PRMT2: variants seen among roughly 807,000 people sequenced by gnomAD.
PRMT2 encodes the protein protein arginine methyltransferase 2.
PRMT2 carries 26 observed loss-of-function variants against 57.6 expected under a neutral mutation model. The observed-to-expected ratio is 0.45, with a 90% confidence interval of 0.33 to 0.63. The LOEUF is 0.63. PRMT2 is among the 20% of genes least tolerant of loss of function. The pLI is 0.02. For synonymous variants in PRMT2, 219 were observed against 220.0 expected (o/e 1.00, Z 0.04); for missense variants, 472 against 564.4 (o/e 0.84, Z 1.66).
intron 8 of PRMT2, chr21:46,659,623 CAA>C: frequency 1.0e-6 from 1 of 985,058 alleles, no homozygotes; most frequent in Non-Finnish European, 1.2e-6. Context: ...ACCAGACAAG[CAA>C]AGAGTAAATT....
chr21:46,644,707 T>C (rs778896280), intron 5 of PRMT2, among the ~76,000 whole-genome samples: 19 of 152,170 alleles, frequency 1.2e-4, no homozygotes, highest in Non-Finnish European at 2.4e-4. Flanking sequence ...ATCTTGAAAT[T>C]TGAATTTATA....
chr21:46,664,763 G>A lies in PRMT2; in HGVS notation c.*436G>A, dbSNP rs376683544. 9.9e-5 allele frequency: 23 copies of A among 231,494 alleles called. No homozygotes were observed. The highest frequency in any genetic ancestry group is 3.3e-4 in the African/African-American group (15 of 45,782). The allele number at this position is 231,494 out of a possible 1,614,324, so 14.3% of individuals were successfully genotyped here. ...CGTCGCTCATCCACTCGTGTGGGAC[G>A]TAGGATTGCACAGGGCTGTGCCAGT... On this transcript the variant is annotated 3_prime_UTR_variant, in exon 12 of 12. Transcript: ENST00000355680.
At chr21:46,661,724 T>C in intron 9 of PRMT2, 76 bp from the exon 10 acceptor site, 8 of 1,239,030 alleles carry the variant, frequency 6.5e-6, no homozygotes, top group Non-Finnish European at 8.2e-6. Context: ...GCGGGGCGCG[T>C]GGAGGGGGCC....
chr21:46,659,979 GGA>G (rs2149000425), intron 8 of PRMT2: 1 of 983,494 alleles, frequency 1.0e-6, no homozygotes, highest in South Asian at 4.7e-5. Flanking sequence ...TATGTCTGGG[GGA>G]TAAAAATAAG....
intron 7 of PRMT2, chr21:46,658,073 C>T (rs1420227263): frequency 6.6e-6 from 1 of 152,324 alleles, no homozygotes; most frequent in African/African-American, 2.4e-5. Context: ...AGTGCAGGCT[C>T]CCTGGGTGGT....
chr21:46,661,810 G>A lies in PRMT2; in HGVS notation c.971G>A (p.Gly324Asp). Reference sequence around the variant, plus strand: ...ATCTGCTTGACCCAGACCCTGAGGGGCGAGCTGCGCTTCGACATCAGGAAG... The same window carrying A: ...ATCTGCTTGACCCAGACCCTGAGGGACGAGCTGCGCTTCGACATCAGGAAG... ...VQISDLETLR[G>D]ELRFDIRKAG... is the part of the protein sequence containing the mutation. The change falls in exon 10 of 12, where the codon GGC becomes GAC. Residue 324 changes from glycine to aspartate, a missense_variant. Transcript: ENST00000355680. 1 of 1,450,420 alleles carries A rather than the reference G, an allele frequency of 6.9e-7. No homozygotes were observed. The highest frequency in any genetic ancestry group is 1.4e-5 in the South Asian group (1 of 70,814). The allele number at this position is 1,450,420 out of a possible 1,614,324, so 89.8% of individuals were successfully genotyped here. A position where few individuals can be genotyped will look rare whatever the true frequency, so the allele number is the denominator to read the frequency against.
At chr21:46,645,720 TG>T (rs1300352271) in intron 5 of PRMT2, among the ~76,000 whole-genome samples, 2 of 151,756 alleles carry the variant, frequency 1.3e-5, no homozygotes, top group African/African-American at 4.8e-5. Context: ...TGTTTGTTTT[TG>T]TTTTTTTTTT....
chr21:46,657,977 A>C (rs879490454), intron 7 of PRMT2: 1 of 152,222 alleles, frequency 6.6e-6, no homozygotes, highest in Admixed American at 6.5e-5. Flanking sequence ...TCCGTACAAA[A>C]CATGTATTAC....
At chr21:46,646,643 T>G (rs765663213) in intron 5 of PRMT2, among the ~76,000 whole-genome samples, 2 of 152,218 alleles carry the variant, frequency 1.3e-5, no homozygotes, top group Non-Finnish European at 2.9e-5. Flanking sequence ...TTTATCATGA[T>G]AAATAATGCT....
Position 46,637,509 on chromosome 21 carries a change from G to A in PRMT2, c.39+519G>A, listed in dbSNP as rs137961734. ...TTAAAAATCAAGCATTTCCGTATCT[G>A]TTATGTCAATTTTAATGTTTTCTTT... On this transcript the variant is annotated intron_variant, in intron 3 of 11. Transcript: ENST00000355680. Among the ~76,000 whole-genome samples, 199 of 152,208 alleles carry A rather than the reference G, an allele frequency of 1.3e-3. 1 individual carries two copies. Among genetic ancestry groups the A allele is most frequent in the Middle Eastern group, 6.8e-3 (2 of 294 alleles).
intron 5 of PRMT2, among the ~76,000 whole-genome samples, chr21:46,646,472 A>G (rs2061366880): frequency 6.6e-6 from 1 of 152,216 alleles, no homozygotes; most frequent in African/African-American, 2.4e-5. Flanking sequence ...TAGAAAAGGC[A>G]TTGTTCCACC....
chr21:46,653,713 A>G lies in PRMT2; in HGVS notation c.654+3974A>G, dbSNP rs1258524732. 6 of 1,255,012 alleles carry G rather than the reference A, an allele frequency of 4.8e-6. No individual in the cohort carries two copies. The African/African-American group carries it at 7.9e-5, about 17-fold the overall frequency. 77.7% of individuals were successfully genotyped at this position (1,255,012 alleles called of 1,614,324 possible). On this transcript the variant is annotated intron_variant, in intron 7 of 11. Transcript: ENST00000355680. ...CAGAGGTGCTAGTTCTGGTGCCCACACGCACACACACAAAACCATCAACTC... is the reference window on the plus strand; with the variant it reads ...CAGAGGTGCTAGTTCTGGTGCCCACGCGCACACACACAAAACCATCAACTC...
chr21:46,651,994 C>G (rs1195139929), intron 7 of PRMT2: 1 of 1,613,314 alleles, frequency 6.2e-7, no homozygotes, highest in Non-Finnish European at 8.5e-7. Flanking sequence ...CCTGGCCCAT[C>G]TTCCTACTCT....
rs749062312 is a variant in PRMT2 at position 46,664,671 on chromosome 21, C to A, written c.*344C>A. ...TAGGTCTACACTCCTAGGACGCACG[C>A]ATATCAGCCCGTGTACCCTGTGACA... On this transcript the variant is annotated 3_prime_UTR_variant, in exon 12 of 12. Coordinates refer to ENST00000355680, the MANE Select transcript of PRMT2 (RefSeq NM_206962.4). 2.8e-6 allele frequency: 1 copy of A among 358,094 alleles called. No individual in the cohort carries two copies. Among genetic ancestry groups the A allele is most frequent in the Non-Finnish European group, 5.3e-6 (1 of 190,014 alleles). 22.2% of individuals were successfully genotyped at this position (358,094 alleles called of 1,614,324 possible). A position where few individuals can be genotyped will look rare whatever the true frequency, so the allele number is the denominator to read the frequency against.
chr21:46,650,997 TGA>T (rs1199572831), intron 7 of PRMT2, among the ~76,000 whole-genome samples: 1 of 152,112 alleles, frequency 6.6e-6, no homozygotes, highest in Admixed American at 6.6e-5. Flanking sequence ...CACTGGTGTG[TGA>T]GTGATGGAGT....
Position 46,648,667 on chromosome 21 carries a change from G to A in PRMT2, c.489+48G>A. 6.3e-7 allele frequency: 1 copy of A among 1,596,566 alleles called. No homozygotes were observed. The highest frequency in any genetic ancestry group is 8.6e-7 in the Non-Finnish European group (1 of 1,167,858). On this transcript the variant is annotated intron_variant, in intron 6 of 11. Coordinates refer to ENST00000355680, the MANE Select transcript of PRMT2 (RefSeq NM_206962.4). The surrounding 1 kb of genome is among the most constrained non-coding windows in gnomAD (Gnocchi z 4.8). Reference sequence around the variant, plus strand: ...CCCGGGTGTTTGTGCCGAGGCTGGTGACGTCCGAGGTGGCCTCTGAGTGTG... The same window carrying A: ...CCCGGGTGTTTGTGCCGAGGCTGGTAACGTCCGAGGTGGCCTCTGAGTGTG...
Position 46,661,772 on chromosome 21 carries a change from C to T in PRMT2, c.961-28C>T, listed in dbSNP as rs1202013059. 1.5e-5 allele frequency: 20 copies of T among 1,330,876 alleles called. No homozygotes were observed. The East Asian group carries it at 6.1e-4, about 40-fold the overall frequency. 82.4% of individuals were successfully genotyped at this position (1,330,876 alleles called of 1,614,324 possible). On this transcript the variant is annotated intron_variant, in intron 9 of 11. Coordinates refer to ENST00000355680, the MANE Select transcript of PRMT2 (RefSeq NM_206962.4). ...GCCCTGCGGTGCCACGCGGTGCCCA[C>T]GCGTGCCTTGTCATCTGCTTGACCC... is the stretch of plus-strand genomic sequence containing the variant.
chr21:46,661,873 T>C lies in PRMT2; in HGVS notation c.1034T>C (p.Val345Ala). The C allele has an allele frequency of 1.3e-6, 2 of 1,503,090 alleles. No homozygotes were observed. The highest frequency in any genetic ancestry group is 2.7e-5 in the East Asian group (1 of 37,584). The allele number at this position is 1,503,090 out of a possible 1,614,324, so 93.1% of individuals were successfully genotyped here. The change falls in exon 10 of 12, where the codon GTC (valine) becomes GCC (alanine). Residue 345 changes from valine (V) to alanine (A), a missense_variant. By Grantham distance (64) the Val-to-Ala change is moderately conservative. This residue lies in a region of PRMT2 where 229 missense variants were observed against 217.2 expected (regional missense o/e 1.05). Coordinates refer to ENST00000355680, the MANE Select transcript of PRMT2 (RefSeq NM_206962.4). ...TLHGFTAWFS[V>A]HFQSLQEGQP... ...CACGGCTTCACGGCCTGGTTTAGCG[T>C]CCACTTCCAGAGCCTGCAGGAGGGG...
chr21:46,660,076 T>C lies in PRMT2; in HGVS notation c.831-757T>C, dbSNP rs549125285. ...TAGTTTCCAATTTTTAAATTTGTAA[T>C]TTTTTATCAGAAAAATAAATGTGTA... On this transcript the variant is annotated intron_variant, in intron 8 of 11. Transcript: ENST00000355680. The C allele has an allele frequency of 5.8e-5, 57 of 976,584 alleles. No individual in the cohort carries two copies. The African/African-American group carries it at 7.0e-4, about 12-fold the overall frequency. 60.5% of individuals were successfully genotyped at this position (976,584 alleles called of 1,614,324 possible). A position where few individuals can be genotyped will look rare whatever the true frequency, so the allele number is the denominator to read the frequency against.
Sources: allele counts gnomAD v4.1 joint callset (sites outside exome capture counted in the v4.1 genomes callset), GRCh38; gene constraint gnomAD v4.1.1; regional missense constraint gnomAD v4.1.1; non-coding constraint Gnocchi (gnomAD v3.1); transcripts MANE v1.5; gene names NCBI Gene and HGNC (gene_info 2026-07-23, HGNC 2026-07-21).